VWC2L: variants seen among roughly 807,000 people sequenced by gnomAD.
VWC2L encodes the protein von Willebrand factor C domain containing 2 like.
In VWC2L, 10 loss-of-function variants were observed where a neutral mutation model predicts 21.6. The ratio of observed to expected loss-of-function variants is 0.46; its 90% CI spans 0.29 to 0.78. The LOEUF is 0.78. Among genes scored for constraint, VWC2L ranks in the 30% least tolerant of loss-of-function variants. The pLI is 0.10. For missense variants in VWC2L, 209 were observed against 277.1 expected (o/e 0.75, Z 1.74); for synonymous variants, 96 against 94.3 (o/e 1.02, Z -0.10).
At chr2:214,476,485 G>A (rs1008223758) in intron 3 of VWC2L, among the ~76,000 whole-genome samples, 5 of 151,952 alleles carry the variant, frequency 3.3e-5, no homozygotes, top group Non-Finnish European at 5.9e-5. Context: ...GGGGTTGGGG[G>A]GCATATTAAA....
rs926761589 is a variant in VWC2L, at chr2:214,574,756, A to AT, written c.521-907dup. Among the ~76,000 whole-genome samples the AT allele has an allele frequency of 3.8e-4, 57 of 151,642 alleles. No homozygotes were observed. In the South Asian group the frequency reaches 6.7e-3, roughly 18 times the overall value. On this transcript the variant is annotated intron_variant, in intron 3 of 3. Coordinates refer to ENST00000312504, the MANE Select transcript of VWC2L (RefSeq NM_001080500.4). ...ATAATCCAGTGCACTTTGGGAAGCA[A>AT]TTTTTTTTTCCATTTGAATTTGGGA...
intron 2 of VWC2L, among the ~76,000 whole-genome samples, chr2:214,435,610 G>A (rs1702668424): frequency 6.6e-6 from 1 of 152,146 alleles, no homozygotes; most frequent in African/African-American, 2.4e-5. Context: ...AGGGAAGAGG[G>A]CTTTAATTAG....
chr2:214,459,381 A>G (rs1703104442), intron 3 of VWC2L, among the ~76,000 whole-genome samples: 1 of 152,136 alleles, frequency 6.6e-6, no homozygotes, highest in East Asian at 1.9e-4. Context: ...TTAAATGGAA[A>G]ATTTAATCTA....
chr2:214,438,748 A>G (rs1043610137), intron 3 of VWC2L, among the ~76,000 whole-genome samples: 3 of 152,058 alleles, frequency 2.0e-5, no homozygotes, highest in African/African-American at 7.2e-5. Flanking sequence ...CAACCATGTC[A>G]GAGTAGAAAT....
chr2:214,467,527 T>C (rs1408868468), intron 3 of VWC2L, among the ~76,000 whole-genome samples: 4 of 152,236 alleles, frequency 2.6e-5, no homozygotes, highest in African/African-American at 9.6e-5. Flanking sequence ...CAGGAGTCAC[T>C]GTCCTTCATT....
chr2:214,414,504 G>C lies in VWC2L; in HGVS notation c.311G>C (p.Gly104Ala). The C allele has an allele frequency of 6.2e-7, 1 of 1,613,430 alleles. No individual in the cohort carries two copies. The highest frequency in any genetic ancestry group is 8.5e-7 in the Non-Finnish European group (1 of 1,179,670). ...HPKCTKVEHN[G>A]CCPECKEVKN... Reference sequence around the variant, plus strand: ...AAGTGTACTAAAGTGGAACACAATGGATGCTGTCCTGAGTGCAAAGAAGTA... The same window carrying C: ...AAGTGTACTAAAGTGGAACACAATGCATGCTGTCCTGAGTGCAAAGAAGTA... Residue 104 changes from glycine to alanine, a missense_variant, in exon 2 of 4, where the codon GGA becomes GCA. Coordinates refer to ENST00000312504, the MANE Select transcript of VWC2L (RefSeq NM_001080500.4).
chr2:214,494,828 T>C (rs747421604), intron 3 of VWC2L, among the ~76,000 whole-genome samples: 10 of 152,038 alleles, frequency 6.6e-5, no homozygotes, highest in Non-Finnish European at 1.3e-4. Context: ...TTTCTTCTTG[T>C]TTTTTCCTTT....
Position 214,429,680 on chromosome 2 carries a change from C to T in VWC2L, c.391-6949C>T, listed in dbSNP as rs544123476. On this transcript the variant is annotated intron_variant, in intron 2 of 3. Coordinates refer to ENST00000312504, the MANE Select transcript of VWC2L (RefSeq NM_001080500.4). ...AAAGCTGCATTTTATTGTCATGAGA[C>T]TCCTTGAAAATGTTGAGGAAAAATA... Among the ~76,000 whole-genome samples, 10 of 152,034 alleles carry T rather than the reference C, an allele frequency of 6.6e-5. No homozygotes were observed. In the South Asian group the frequency reaches 2.1e-3, roughly 32 times the overall value.
At chr2:214,499,345 T>C (rs919245708) in intron 3 of VWC2L, among the ~76,000 whole-genome samples, 1 of 151,800 alleles carries the variant, frequency 6.6e-6, no homozygotes, top group Admixed American at 6.6e-5. Flanking sequence ...TCAGATAAAA[T>C]TGAAGGGAAG....
chr2:214,568,324 A>G (rs1690099762), intron 3 of VWC2L, among the ~76,000 whole-genome samples: 1 of 152,180 alleles, frequency 6.6e-6, no homozygotes, highest in African/African-American at 2.4e-5. Flanking sequence ...CCCCATTTAA[A>G]TGTCAACTCC....
intron 3 of VWC2L, among the ~76,000 whole-genome samples, chr2:214,454,593 A>ATTTTTTTTTTTT (rs1703025765): frequency 1.7e-5 from 1 of 59,766 alleles, no homozygotes; most frequent in African/African-American, 6.7e-5. Flanking sequence ...ACATTGATTG[A>ATTTTTTTTTTTT]TTTTCTTTTT....
At chr2:214,458,693 G>A (rs1703091820) in intron 3 of VWC2L, among the ~76,000 whole-genome samples, 1 of 152,028 alleles carries the variant, frequency 6.6e-6, no homozygotes, top group Non-Finnish European at 1.5e-5. Flanking sequence ...TGGTCATTTA[G>A]GAGCATATTG....
Position 214,575,740 on chromosome 2 carries a change from ATC to A in VWC2L, c.591_592del (p.Ile197MetfsTer18), listed in dbSNP as rs1273431154. The stretch of plus-strand genomic sequence containing the variant: ...TGAAGTGAAAGTGGACGAATGTAAC[ATC>A]TGTCATTGTCACAACGGGGACTGGT... ...GIEVKVDECN[I>X]CHCHNGDWWK... On this transcript the variant is annotated frameshift_variant, in exon 4 of 4. Coordinates refer to ENST00000312504, the MANE Select transcript of VWC2L (RefSeq NM_001080500.4). LOFTEE classifies it high-confidence loss of function. The A allele has an allele frequency of 6.2e-7, 1 of 1,613,586 alleles. No homozygotes were observed.
intron 3 of VWC2L, chr2:214,525,486 C>T (rs1370953436): frequency 2.0e-5 from 3 of 152,106 alleles, no homozygotes; most frequent in African/African-American, 7.2e-5. Flanking sequence ...AGTGATTTTT[C>T]AAAATTCTTT....
intron 3 of VWC2L, among the ~76,000 whole-genome samples, chr2:214,490,449 A>C (rs1236033033): frequency 6.6e-6 from 1 of 152,120 alleles, no homozygotes; most frequent in Non-Finnish European, 1.5e-5. Flanking sequence ...TTAGCTGCTC[A>C]AAGTCACATT....
intron 1 of VWC2L, among the ~76,000 whole-genome samples, chr2:214,412,236 T>C (rs988144449): frequency 6.6e-6 from 1 of 152,108 alleles, no homozygotes; most frequent in Non-Finnish European, 1.5e-5. Flanking sequence ...AAAGAGATCA[T>C]TTTCTGCCTA....
intron 3 of VWC2L, among the ~76,000 whole-genome samples, chr2:214,571,212 T>C (rs1014449318): frequency 1.3e-5 from 2 of 152,166 alleles, no homozygotes; most frequent in African/African-American, 2.4e-5. Context: ...AATACAGTAA[T>C]GCACTCCTAG....
chr2:214,577,524 C>G lies in VWC2L; in HGVS notation c.*1704C>G, dbSNP rs1020772917. 1.3e-5 allele frequency: 2 copies of G among 152,202 alleles called. No homozygotes were observed. Among genetic ancestry groups the G allele is most frequent in the African/African-American group, 4.8e-5 (2 of 41,412 alleles). 9.4% of individuals were successfully genotyped at this position (152,202 alleles called of 1,614,324 possible). A position where few individuals can be genotyped will look rare whatever the true frequency, so the allele number is the denominator to read the frequency against. On this transcript the variant is annotated 3_prime_UTR_variant, in exon 4 of 4. Transcript: ENST00000312504. ...TTGAGAACCAGTGGTCTAGAATAAT[C>G]AGTATAGAGTGGTTTCTGGCAGGGG... is the stretch of plus-strand genomic sequence containing the variant.
intron 3 of VWC2L, among the ~76,000 whole-genome samples, chr2:214,567,521 A>G (rs1182241127): frequency 1.4e-5 from 2 of 147,094 alleles, no homozygotes; most frequent in Non-Finnish European, 3.0e-5. Flanking sequence ...ACTTTCCCCT[A>G]TCATCCATTC....
Sources: allele counts gnomAD v4.1 joint callset (sites outside exome capture counted in the v4.1 genomes callset), GRCh38; gene constraint gnomAD v4.1.1; transcripts MANE v1.5; gene names NCBI Gene and HGNC (gene_info 2026-07-23, HGNC 2026-07-21).